The following CPEB2 variants were observed in gnomAD, a reference collection of about 807,000 sequenced individuals.
CPEB2 encodes the protein cytoplasmic polyadenylation element binding protein 2.
A neutral mutation model predicts 93.6 loss-of-function variants in CPEB2; 56 were observed. That is an observed-to-expected ratio of 0.60 (90% CI 0.48 to 0.75). The LOEUF is 0.75. Among genes scored for constraint, CPEB2 ranks in the 30% least tolerant of loss-of-function variants. The pLI is 0.00. For missense variants in CPEB2, 1,579 were observed against 1,395.1 expected (o/e 1.13, Z -2.10); for synonymous variants, 764 against 586.3 (o/e 1.30, Z -4.38).
chr4:15,032,856 A>G (rs1726262340), intron 4 of CPEB2, among the ~76,000 whole-genome samples: 1 of 152,292 alleles, frequency 6.6e-6, no homozygotes, highest in South Asian at 2.1e-4. Context: ...AGACTAGGAT[A>G]TGATAGATAT....
chr4:15,055,382 CATAG>C (rs1378817261), intron 8 of CPEB2, among the ~76,000 whole-genome samples: 2 of 152,114 alleles, frequency 1.3e-5, no homozygotes, highest in Non-Finnish European at 2.9e-5. Context: ...ATTATCTCCA[CATAG>C]ATAGAGATGT....
In CPEB2 at chr4:15,002,878, C is replaced by G. The variant is rs931567140; in HGVS notation, c.205C>G (p.Leu69Val). The stretch of plus-strand genomic sequence containing the variant: ...GGCCGCCTCCCCCTTCTCCGTCCCC[C>G]TCGGCGGCGGCGCGGGCAGCCCGGC... ...LEAASPFSVP[L>V]GGGAGSPAAA... The change falls in exon 1 of 12, where the codon CTC becomes GTC. Residue 69 changes from leucine (L) to valine (V), a missense_variant. Coordinates refer to ENST00000538197, the MANE Select transcript of CPEB2 (RefSeq NM_001177382.2). 3.3e-6 allele frequency: 5 copies of G among 1,519,290 alleles called. No individual in the cohort carries two copies. The African/African-American group carries it at 7.0e-5, about 21-fold the overall frequency. 94.1% of individuals were successfully genotyped at this position (1,519,290 alleles called of 1,614,324 possible).
chr4:15,017,348 T>G, intron 4 of CPEB2, 70 bp downstream of exon 4: 1 of 743,980 alleles, frequency 1.3e-6, no homozygotes, highest in Non-Finnish European at 2.2e-6. Context: ...AGTTTTTATA[T>G]GAAAGTGAAA....
chr4:15,015,099 A>G (rs1206296648), intron 3 of CPEB2, among the ~76,000 whole-genome samples: 1 of 152,050 alleles, frequency 6.6e-6, no homozygotes, highest in Non-Finnish European at 1.5e-5. Context: ...TGCTTCTTAT[A>G]AAGTGTGATA....
At chr4:15,039,646 G>A (rs1726982217) in intron 5 of CPEB2, among the ~76,000 whole-genome samples, 2 of 151,690 alleles carry the variant, frequency 1.3e-5, no homozygotes, top group African/African-American at 4.8e-5. Context: ...AGTTTCTTAT[G>A]AAAAAGAAAT....
intron 3 of CPEB2, among the ~76,000 whole-genome samples, chr4:15,013,366 T>C (rs961720580): frequency 6.6e-6 from 1 of 152,036 alleles, no homozygotes; most frequent in South Asian, 2.1e-4. Flanking sequence ...TAGAGTCTTA[T>C]ATTTCTGAAG....
chr4:15,067,882 A>G lies in CPEB2; in HGVS notation c.*1502A>G, dbSNP rs1729811908. 6.6e-6 allele frequency: 1 copy of G among 152,346 alleles called. No homozygotes were observed. The highest frequency in any genetic ancestry group is 2.4e-5 in the African/African-American group (1 of 41,422). The allele number at this position is 152,346 out of a possible 1,614,324, so 9.4% of individuals were successfully genotyped here. On this transcript the variant is annotated 3_prime_UTR_variant, in exon 12 of 12. Transcript: ENST00000538197. Reference sequence around the variant, plus strand: ...AAATTTTCATGAAGGAATTTTGGTAATGACTTTGCTTGCAGGTTTTTTGGG... The same window carrying G: ...AAATTTTCATGAAGGAATTTTGGTAGTGACTTTGCTTGCAGGTTTTTTGGG...
In CPEB2 at chr4:15,017,292, TA is replaced by T; in HGVS notation, c.2125+21del. 1 of 1,376,734 alleles carries T rather than the reference TA, an allele frequency of 7.3e-7. No homozygotes were observed. Among genetic ancestry groups the T allele is most frequent in the Non-Finnish European group, 1.0e-6 (1 of 984,772 alleles). The allele number at this position is 1,376,734 out of a possible 1,614,324, so 85.3% of individuals were successfully genotyped here. On this transcript the variant is annotated intron_variant, in intron 4 of 11. Coordinates refer to ENST00000538197, the MANE Select transcript of CPEB2 (RefSeq NM_001177382.2). Reference sequence around the variant, plus strand: ...ATCCTCTTAAGGGTAGGTGACTTTTTAAAAAAATATATGTTTATATTATACA... The same window carrying T: ...ATCCTCTTAAGGGTAGGTGACTTTTTAAAAAATATATGTTTATATTATACA...
In CPEB2 at chr4:15,003,637, C is replaced by T. The variant is rs1407758905; in HGVS notation, c.964C>T (p.Leu322Phe). Residue 322 changes from leucine to phenylalanine, a missense_variant, in exon 1 of 12, where the codon CTC (leucine) becomes TTC (phenylalanine). Coordinates refer to ENST00000538197, the MANE Select transcript of CPEB2 (RefSeq NM_001177382.2). Reference sequence around the variant, plus strand: ...CATGGAGTCCCCCAACCACCCTCTGCTCAACAGTCCCAGTAACCTCCTGCC... The same window carrying T: ...CATGGAGTCCCCCAACCACCCTCTGTTCAACAGTCCCAGTAACCTCCTGCC... ...GSMESPNHPL[L>F]NSPSNLLPGG... 7 of 1,482,076 alleles carry T rather than the reference C, an allele frequency of 4.7e-6. No individual in the cohort carries two copies. The highest frequency in any genetic ancestry group is 2.9e-5 in the East Asian group (1 of 34,048). The allele number at this position is 1,482,076 out of a possible 1,614,324, so 91.8% of individuals were successfully genotyped here.
intron 10 of CPEB2, among the ~76,000 whole-genome samples, chr4:15,059,749 A>T (rs538303315): frequency 6.6e-6 from 1 of 152,266 alleles, no homozygotes; most frequent in South Asian, 2.1e-4. Flanking sequence ...TTTATCAATA[A>T]CTAGGAACCA....
chr4:15,013,071 T>C (rs767865891), intron 3 of CPEB2, among the ~76,000 whole-genome samples: 3 of 151,884 alleles, frequency 2.0e-5, no homozygotes, highest in Non-Finnish European at 4.4e-5. Context: ...TTAGGTTATC[T>C]TTTTTCAAGA....
At chr4:15,020,348 C>G (rs887169118) in intron 4 of CPEB2, among the ~76,000 whole-genome samples, 5 of 151,924 alleles carry the variant, frequency 3.3e-5, no homozygotes, top group Non-Finnish European at 7.4e-5. Flanking sequence ...TCAATTCGAC[C>G]CACAGTTAAA....
At chr4:15,032,822 T>C (rs1016596144) in intron 4 of CPEB2, among the ~76,000 whole-genome samples, 1 of 152,136 alleles carries the variant, frequency 6.6e-6, no homozygotes, top group East Asian at 1.9e-4. Flanking sequence ...AATTTAAAAA[T>C]TCACATTTCA....
chr4:15,005,676 A>G (rs966809595), intron 1 of CPEB2, among the ~76,000 whole-genome samples: 6 of 152,326 alleles, frequency 3.9e-5, no homozygotes, highest in South Asian at 2.1e-4. Flanking sequence ...TTTAAAGTGA[A>G]TATTATCTAA....
chr4:15,054,339 G>A (rs1315577011), intron 8 of CPEB2, 122 bp downstream of exon 8: 1 of 712,438 alleles, frequency 1.4e-6, no homozygotes, highest in Non-Finnish European at 2.4e-6. Flanking sequence ...TAATTTCATA[G>A]ACTCAGATCA....
rs1243329239 is a variant in CPEB2 at position 15,003,753 on chromosome 4, G to A, written c.1080G>A (p.Gly360=). 8 of 1,203,604 alleles carry A rather than the reference G, an allele frequency of 6.6e-6. No individual in the cohort carries two copies. The highest frequency in any genetic ancestry group is 3.3e-4 in the Middle Eastern group (1 of 3,066). 74.6% of individuals were successfully genotyped at this position (1,203,604 alleles called of 1,614,324 possible). ...GCGGCGGCGGCGGCGGGGGCGGGGG[G>A]CCCCCAGGAGGCGGAGGGGGAGGCG... ...PGGGGGGGGG[G]PPGGGGGGGS... is the part of the protein sequence containing the mutation. Residue 360 remains glycine, a synonymous_variant, in exon 1 of 12, where the codon GGG becomes GGA. Coordinates refer to ENST00000538197, the MANE Select transcript of CPEB2 (RefSeq NM_001177382.2).
intron 4 of CPEB2, among the ~76,000 whole-genome samples, chr4:15,029,692 T>C (rs1194214186): frequency 2.0e-5 from 3 of 152,080 alleles, no homozygotes; most frequent in Non-Finnish European, 1.5e-5. Context: ...AGAAGTTTGT[T>C]TCCCTTACCA....
At chr4:15,038,221 A>G (rs1016109205) in intron 5 of CPEB2, among the ~76,000 whole-genome samples, 4 of 152,216 alleles carry the variant, frequency 2.6e-5, no homozygotes, top group Non-Finnish European at 5.9e-5. Context: ...AAGCCAAGGA[A>G]TGAAAACTTA....
chr4:15,049,430 T>C (rs1001031959), intron 6 of CPEB2, among the ~76,000 whole-genome samples: 8 of 138,810 alleles, frequency 5.8e-5, no homozygotes, highest in South Asian at 4.4e-4. Flanking sequence ...GAAATAAATA[T>C]AGAATTTGGA....
Sources: gnomAD v4.1 joint callset for allele counts (sites outside exome capture counted in the v4.1 genomes callset) on GRCh38, gnomAD v4.1.1 for gene constraint, MANE v1.5 for transcripts, NCBI Gene and HGNC (gene_info 2026-07-23, HGNC 2026-07-21) for gene names.